Variants in FBXL7 observed in about 807,000 individuals in gnomAD.
FBXL7 encodes F-box and leucine rich repeat protein 7.
FBXL7 carries 12 observed loss-of-function variants against 38.3 expected under a neutral mutation model. The observed-to-expected ratio is 0.31, with a 90% CI of 0.20 to 0.51. The LOEUF is 0.51. Ranked by LOEUF, FBXL7 falls within the 20% of genes least tolerant of loss-of-function variation. The pLI is 0.98. For synonymous variants in FBXL7, 297 were observed against 300.9 expected (o/e 0.99, Z 0.13); for missense variants, 567 against 676.4 (o/e 0.84, Z 1.79).
intron 1 of FBXL7, among the ~76,000 whole-genome samples, chr5:15,563,892 T>C (rs572724555): frequency 6.6e-6 from 1 of 151,246 alleles, no homozygotes; most frequent in South Asian, 2.1e-4. Flanking sequence ...GTGCCTTTAC[T>C]TTCTAAATAT....
chr5:15,555,606 C>CGAA (rs1738205396), intron 1 of FBXL7, among the ~76,000 whole-genome samples: 1 of 152,090 alleles, frequency 6.6e-6, no homozygotes, highest in African/African-American at 2.4e-5. Context: ...AGGAGAGAGT[C>CGAA]AGGAAAGGAA....
chr5:15,939,635 T>A lies in FBXL7; in HGVS notation c.*2449T>A, dbSNP rs1307671929. 6.6e-6 allele frequency: 1 copy of A among 152,590 alleles called. No individual in the cohort carries two copies. Among genetic ancestry groups the A allele is most frequent in the Non-Finnish European group, 1.5e-5 (1 of 68,050 alleles). The allele number at this position is 152,590 out of a possible 1,614,324, so 9.5% of individuals were successfully genotyped here. A position where few individuals can be genotyped will look rare whatever the true frequency, so the allele number is the denominator to read the frequency against. ...CAAACCAAAGGTCTCACTAGGAAAT[T>A]TATCTGTTTTAAAACATTGCTTCCT... On this transcript the variant is annotated 3_prime_UTR_variant, in exon 4 of 4. Coordinates refer to ENST00000504595, the MANE Select transcript of FBXL7 (RefSeq NM_012304.5).
intron 1 of FBXL7, among the ~76,000 whole-genome samples, chr5:15,519,257 C>T (rs141020251): frequency 6.6e-6 from 1 of 152,210 alleles, no homozygotes; most frequent in Non-Finnish European, 1.5e-5. Context: ...GCCGGAGAAT[C>T]CCTGGAACCT....
chr5:15,793,384 G>C (rs1035432198), intron 2 of FBXL7, among the ~76,000 whole-genome samples: 6 of 152,082 alleles, frequency 3.9e-5, no homozygotes, highest in African/African-American at 1.4e-4. Context: ...AAACTTCAAG[G>C]CTCCTATCAT....
intron 1 of FBXL7, among the ~76,000 whole-genome samples, chr5:15,569,677 A>C (rs1738703720): frequency 6.6e-6 from 1 of 152,036 alleles, no homozygotes; most frequent in Admixed American, 6.6e-5. Flanking sequence ...CCAGTTTTCA[A>C]AGGGAATGCT....
chr5:15,793,155 G>A (rs1214942476), intron 2 of FBXL7, among the ~76,000 whole-genome samples: 1 of 152,168 alleles, frequency 6.6e-6, no homozygotes, highest in Non-Finnish European at 1.5e-5. Context: ...GTAGCTGGAA[G>A]TCCTGGATCC....
chr5:15,906,513 A>T (rs565688358), intron 2 of FBXL7, among the ~76,000 whole-genome samples: 46 of 134,418 alleles, frequency 3.4e-4, no homozygotes, highest in African/African-American at 8.4e-4. Flanking sequence ...TCCACAAAAA[A>T]TTTTTTTTTT....
At chr5:15,898,335 C>T (rs1741153242) in intron 2 of FBXL7, among the ~76,000 whole-genome samples, 1 of 152,060 alleles carries the variant, frequency 6.6e-6, no homozygotes, top group Non-Finnish European at 1.5e-5. Context: ...TACTTGAAAA[C>T]ATGACGAAAA....
intron 2 of FBXL7, among the ~76,000 whole-genome samples, chr5:15,767,881 A>G (rs1368521269): frequency 1.3e-5 from 2 of 152,204 alleles, no homozygotes; most frequent in Admixed American, 1.3e-4. Flanking sequence ...AACAGGAGGA[A>G]TGGGTGTGCA....
At chr5:15,507,334 G>A (rs553641343) in intron 1 of FBXL7, among the ~76,000 whole-genome samples, 1 of 152,278 alleles carries the variant, frequency 6.6e-6, no homozygotes, top group East Asian at 1.9e-4. Flanking sequence ...ACAATGAGAA[G>A]ATATTTTTTC....
intron 2 of FBXL7, among the ~76,000 whole-genome samples, chr5:15,920,905 T>C (rs1472250023): frequency 6.6e-6 from 1 of 152,150 alleles, no homozygotes; most frequent in African/African-American, 2.4e-5. Context: ...ACACTAGATA[T>C]CATTAGGAGA....
chr5:15,593,067 T>C (rs1360924351), intron 1 of FBXL7, among the ~76,000 whole-genome samples: 1 of 152,100 alleles, frequency 6.6e-6, no homozygotes, highest in Non-Finnish European at 1.5e-5. Context: ...TAGAAAACAT[T>C]TGAAATTTTA....
chr5:15,857,726 T>G (rs1159059268), intron 2 of FBXL7, among the ~76,000 whole-genome samples: 1 of 152,174 alleles, frequency 6.6e-6, no homozygotes. Context: ...ACAATTAGAT[T>G]GGGATCAGAA....
rs927066337 is a variant in FBXL7, at chr5:15,928,398, C to T, written c.636C>T (p.Pro212=). Residue 212 remains proline, a synonymous_variant, in exon 3 of 4, where the codon CCC becomes CCT. Coordinates refer to ENST00000504595, the MANE Select transcript of FBXL7 (RefSeq NM_012304.5). The surrounding 1 kb of genome is among the most constrained non-coding windows in gnomAD (Gnocchi z 4.0). ...RGLYTIAQCC[P]ELRRLEVSGC... ...TGTACACCATCGCCCAGTGCTGCCC[C>T]GAACTGAGGCGACTGGAAGTCTCAG... is the stretch of plus-strand genomic sequence containing the variant. 2.5e-6 allele frequency: 4 copies of T among 1,613,940 alleles called. No homozygotes were observed. The highest frequency in any genetic ancestry group is 1.3e-5 in the African/African-American group (1 of 74,936).
intron 2 of FBXL7, among the ~76,000 whole-genome samples, chr5:15,912,965 A>G (rs1463390975): frequency 6.6e-6 from 1 of 152,114 alleles, no homozygotes; most frequent in African/African-American, 2.4e-5. Context: ...CTGCAGAGAG[A>G]CCCTTAGCAG....
chr5:15,906,154 C>G (rs575917168), intron 2 of FBXL7, among the ~76,000 whole-genome samples: 3 of 151,914 alleles, frequency 2.0e-5, no homozygotes, highest in Admixed American at 2.0e-4. Context: ...TCCTTCCCTC[C>G]TGGTTCCAAA....
intron 2 of FBXL7, among the ~76,000 whole-genome samples, chr5:15,766,872 G>A (rs568953131): frequency 6.6e-5 from 10 of 152,268 alleles, no homozygotes; most frequent in East Asian, 5.8e-4. Context: ...ACATTCTACC[G>A]TGACGAGCAG....
At chr5:15,597,941 GT>G (rs1379853869) in intron 1 of FBXL7, among the ~76,000 whole-genome samples, 2 of 152,208 alleles carry the variant, frequency 1.3e-5, no homozygotes, top group Non-Finnish European at 2.9e-5. Flanking sequence ...AACTATTCCA[GT>G]TTCAGGCAAG....
At chr5:15,892,525 A>C (rs1013810293) in intron 2 of FBXL7, among the ~76,000 whole-genome samples, 6 of 152,198 alleles carry the variant, frequency 3.9e-5, no homozygotes, top group Non-Finnish European at 7.3e-5. Context: ...AGGTGGTAGC[A>C]GCAGAGGTTA....
Sources: gnomAD v4.1 joint callset for allele counts (sites outside exome capture counted in the v4.1 genomes callset) on GRCh38, gnomAD v4.1.1 for gene constraint, Gnocchi (gnomAD v3.1) non-coding constraint, MANE v1.5 for transcripts, NCBI Gene and HGNC (gene_info 2026-07-23, HGNC 2026-07-21) for gene names.